DOCK1: variants seen among roughly 807,000 people sequenced by gnomAD.
The protein encoded by DOCK1 is dedicator of cytokinesis protein 1.
DOCK1 carries 138 observed loss-of-function variants against 262.7 expected under a neutral mutation model. That is an observed-to-expected ratio of 0.53 (90% confidence interval 0.46 to 0.61). The LOEUF (loss-of-function observed/expected upper bound fraction) is 0.61, where lower values mean the gene tolerates loss of function less well. Among genes scored for constraint, DOCK1 ranks in the 20% least tolerant of loss-of-function variants. The pLI is 0.00. For missense variants in DOCK1, 1,908 were observed against 2,370.7 expected (o/e 0.80, Z 4.05); for synonymous variants, 866 against 867.4 (o/e 1.00, Z 0.03).
At chr10:127,234,124 T>C (rs1056652034) in intron 27 of DOCK1, among the ~76,000 whole-genome samples, 39 of 152,170 alleles carry the variant, frequency 2.6e-4, no homozygotes, top group African/African-American at 9.2e-4. Flanking sequence ...TTAAAATCAC[T>C]TAAGAAAACA....
At chr10:127,226,044 C>T (rs2058623851) in intron 27 of DOCK1, among the ~76,000 whole-genome samples, 1 of 149,632 alleles carries the variant, frequency 6.7e-6, no homozygotes, top group African/African-American at 2.5e-5. Flanking sequence ...TGCCACTGCA[C>T]TCCAGCCGGG....
intron 27 of DOCK1, among the ~76,000 whole-genome samples, chr10:127,200,626 A>T (rs1444968052): frequency 6.6e-6 from 1 of 151,502 alleles, no homozygotes; most frequent in East Asian, 2.0e-4. Context: ...CTGGTCTCCA[A>T]CTCCTCAGCT....
intron 43 of DOCK1, among the ~76,000 whole-genome samples, chr10:127,412,576 G>A (rs1056350374): frequency 5.3e-5 from 8 of 152,176 alleles, no homozygotes; most frequent in East Asian, 1.9e-4. Context: ...TGTGCCGTCC[G>A]AAGGCATCTA....
chr10:127,268,192 C>A (rs2060434966), intron 29 of DOCK1, among the ~76,000 whole-genome samples: 1 of 152,030 alleles, frequency 6.6e-6, no homozygotes, highest in Admixed American at 6.6e-5. Flanking sequence ...AAAACAGAGT[C>A]CAGAGTCTCA....
chr10:127,380,562 C>G (rs2065770929), intron 36 of DOCK1, among the ~76,000 whole-genome samples: 1 of 152,080 alleles, frequency 6.6e-6, no homozygotes, highest in South Asian at 2.1e-4. Flanking sequence ...TTTTTTATGT[C>G]TTTCTTCCAT....
At chr10:126,919,864 C>T (rs533622937) in intron 1 of DOCK1, among the ~76,000 whole-genome samples, 147 of 152,152 alleles carry the variant, frequency 9.7e-4, no homozygotes, top group Non-Finnish European at 2.0e-3. Context: ...CACACCTTGC[C>T]GTACATTGAA....
intron 29 of DOCK1, among the ~76,000 whole-genome samples, chr10:127,305,616 G>A (rs1206809700): frequency 6.6e-6 from 1 of 152,158 alleles, no homozygotes; most frequent in Admixed American, 6.5e-5. Context: ...GGAGCTGCTG[G>A]AGACCAGCAG....
chr10:127,206,081 G>A (rs915173728), intron 27 of DOCK1, among the ~76,000 whole-genome samples: 1 of 150,492 alleles, frequency 6.6e-6, no homozygotes, highest in African/African-American at 2.4e-5. Flanking sequence ...AATTTAAAAG[G>A]TGACTTTTTA....
intron 23 of DOCK1, among the ~76,000 whole-genome samples, chr10:127,091,115 G>GA (rs2047503189): frequency 6.6e-6 from 1 of 151,740 alleles, no homozygotes; most frequent in Non-Finnish European, 1.5e-5. Flanking sequence ...CCGAGTAGCT[G>GA]GGACTACAGG....
chr10:126,932,733 G>A (rs1036265560), intron 1 of DOCK1, among the ~76,000 whole-genome samples: 6 of 152,092 alleles, frequency 3.9e-5, no homozygotes, highest in African/African-American at 1.4e-4. Flanking sequence ...AGAGGTGGGC[G>A]CACTGGGCCA....
rs377699217 is a variant in DOCK1, at chr10:127,433,267, T to C, written c.4915-16T>C. The C allele has an allele frequency of 5.3e-5, 86 of 1,613,088 alleles. No homozygotes were observed. In the African/African-American group the frequency reaches 9.5e-4, roughly 18 times the overall value. ...GGCATCAAACAAGTCTCCTTCTCTCTCTTTCTCGCTCTCAGCCCTCAAGTC... is the reference window on the plus strand; with the variant it reads ...GGCATCAAACAAGTCTCCTTCTCTCCCTTTCTCGCTCTCAGCCCTCAAGTC... On this transcript the variant is annotated splice_polypyrimidine_tract_variant and intron_variant, in intron 47 of 51. Coordinates refer to ENST00000623213, the MANE Select transcript of DOCK1 (RefSeq NM_001290223.2).
At chr10:127,136,870 G>A (rs1592162795) in intron 27 of DOCK1, 1 of 152,488 alleles carries the variant, frequency 6.6e-6, no homozygotes, top group Admixed American at 6.5e-5. Context: ...TGTACATAAC[G>A]TCTGGCTGCA....
intron 5 of DOCK1, among the ~76,000 whole-genome samples, chr10:126,989,779 T>C (rs1382438055): frequency 6.6e-6 from 1 of 152,224 alleles, no homozygotes; most frequent in Non-Finnish European, 1.5e-5. Context: ...GAACCGTCAA[T>C]CCCATCAAAA....
At chr10:127,393,990 T>C (rs1442528231) in intron 38 of DOCK1, among the ~76,000 whole-genome samples, 1 of 152,146 alleles carries the variant, frequency 6.6e-6, no homozygotes, top group Non-Finnish European at 1.5e-5. Flanking sequence ...AGACCAGTGT[T>C]CTTTTCTGAA....
At chr10:127,116,031 G>C (rs1406631290) in intron 25 of DOCK1, among the ~76,000 whole-genome samples, 1 of 152,148 alleles carries the variant, frequency 6.6e-6, no homozygotes, top group African/African-American at 2.4e-5. Context: ...TAGTGGTAAG[G>C]CTACCCCTTT....
At chr10:127,261,063 A>T in intron 29 of DOCK1, among the ~76,000 whole-genome samples, 1 of 100,086 alleles carries the variant, frequency 1.0e-5, no homozygotes, top group East Asian at 3.8e-4. Context: ...GTGTGTGTGC[A>T]TGTGGGTGTG....
At chr10:127,075,169 C>CAAAAAAAAAAAAAA (rs71032536) in intron 23 of DOCK1, among the ~76,000 whole-genome samples, 3 of 64,322 alleles carry the variant, frequency 4.7e-5, no homozygotes, top group African/African-American at 2.1e-4. Context: ...AACTCTGTCT[C>CAAAAAAAAAAAAAA]AAAAAAAAAA....
intron 1 of DOCK1, among the ~76,000 whole-genome samples, chr10:126,970,013 G>C (rs2037979957): frequency 6.6e-6 from 1 of 152,132 alleles, no homozygotes; most frequent in Admixed American, 6.5e-5. Flanking sequence ...TAAATTGAGA[G>C]TGGGCTAGTT....
chr10:127,254,627 G>T (rs2059768830), intron 28 of DOCK1, among the ~76,000 whole-genome samples: 1 of 152,184 alleles, frequency 6.6e-6, no homozygotes, highest in African/African-American at 2.4e-5. Flanking sequence ...GATAATCTTT[G>T]GATAAAACTT....
Sources: allele counts gnomAD v4.1 joint callset (sites outside exome capture counted in the v4.1 genomes callset), GRCh38; gene constraint gnomAD v4.1.1; transcripts MANE v1.5; gene names NCBI Gene and HGNC (gene_info 2026-07-23, HGNC 2026-07-21).